TRIM62: variants seen among roughly 807,000 people sequenced by gnomAD.
The protein encoded by TRIM62 is E3 ubiquitin-protein ligase TRIM62.
In TRIM62, 39 loss-of-function variants were observed where a neutral mutation model predicts 44.2. The ratio of observed to expected loss-of-function variants is 0.88; its 90% CI spans 0.68 to 1.15. The LOEUF is 1.15. TRIM62 is among the 50% of genes most tolerant of loss of function. The pLI is 0.00. For synonymous variants in TRIM62, 278 were observed against 292.3 expected, an observed-to-expected ratio of 0.95 and a Z score of 0.50; for missense variants, 544 against 665.5, an observed-to-expected ratio of 0.82 and a Z score of 2.01.
chr1:33,152,499 G>A (rs887985419), intron 4 of TRIM62, among the ~76,000 whole-genome samples: 9 of 151,980 alleles, frequency 5.9e-5, no homozygotes, highest in South Asian at 2.1e-4. Flanking sequence ...TCTGGGAGGC[G>A]GAGGTTGTGG....
At chr1:33,150,143 G>C (rs1570286176) in intron 4 of TRIM62, among the ~76,000 whole-genome samples, 1 of 152,274 alleles carries the variant, frequency 6.6e-6, no homozygotes, top group Non-Finnish European at 1.5e-5. Flanking sequence ...TCCTTAGCCT[G>C]AATGACCATT....
intron 2 of TRIM62, among the ~76,000 whole-genome samples, 176 bp from the exon 3 acceptor site, chr1:33,160,120 A>C (rs142734815): frequency 2.0e-5 from 3 of 152,248 alleles, no homozygotes; most frequent in Non-Finnish European, 4.4e-5. Context: ...GGCATGTTCT[A>C]TGTGGTCCAT....
At chr1:33,157,034 C>G (rs542393009) in intron 4 of TRIM62, among the ~76,000 whole-genome samples, 19 of 150,198 alleles carry the variant, frequency 1.3e-4, no homozygotes, top group South Asian at 4.2e-4. Flanking sequence ...TCCTTCACCC[C>G]CTTCGGTCTA....
At chr1:33,156,022 G>A (rs192862730) in intron 4 of TRIM62, among the ~76,000 whole-genome samples, 2 of 152,298 alleles carry the variant, frequency 1.3e-5, no homozygotes, top group Admixed American at 1.3e-4. Flanking sequence ...TGCCCCACTG[G>A]CTTTGGTGCC....
Position 33,145,673 on chromosome 1 carries a change from A to G in TRIM62, c.*1504T>C, listed in dbSNP as rs1645013435. 1 of 314,618 alleles carries G rather than the reference A, an allele frequency of 3.2e-6. No homozygotes were observed. Among genetic ancestry groups the G allele is most frequent in the Non-Finnish European group, 6.3e-6 (1 of 158,808 alleles). 19.5% of individuals were successfully genotyped at this position (314,618 alleles called of 1,614,324 possible). On this transcript the variant is annotated 3_prime_UTR_variant, in exon 5 of 5. Transcript: ENST00000291416. ...GGCCCCAGGACTAGAAAGAAAAGTCAAGGCCGGGGAGACATTTAGGCTCAG... is the reference window on the plus strand; with the variant it reads ...GGCCCCAGGACTAGAAAGAAAAGTCGAGGCCGGGGAGACATTTAGGCTCAG...
rs1164477869 is a variant in TRIM62, at chr1:33,159,818, T to C, written c.631A>G (p.Ile211Val). The C allele has an allele frequency of 5.0e-6, 8 of 1,613,794 alleles. No individual in the cohort carries two copies. Among genetic ancestry groups the C allele is most frequent in the African/African-American group, 2.7e-5 (2 of 74,946 alleles). The change falls in exon 3 of 5, where the codon ATC becomes GTC. Residue 211 changes from isoleucine (I) to valine (V), a missense_variant. Transcript: ENST00000291416. The surrounding 1 kb of genome is among the most constrained non-coding windows in gnomAD (Gnocchi z 4.2). ...EADTARTLTDIEQKVQRYSQQ... is the reference protein window; with the variant it reads ...EADTARTLTDVEQKVQRYSQQ... ...CTGTAGCGCTGGACTTTCTGCTCGA[T>C]GTCGGTCAGCGTGCGGGCCGTGTCC...
chr1:33,171,146 G>A (rs764804897), intron 1 of TRIM62, among the ~76,000 whole-genome samples: 68 of 152,328 alleles, frequency 4.5e-4, no homozygotes, highest in Non-Finnish European at 7.8e-4. Context: ...CGGCCACACA[G>A]CTTGACACAG....
In TRIM62 at chr1:33,177,071, A is replaced by ACG. The variant is rs1645426447; in HGVS notation, c.408+3953_408+3954insCG. Among the ~76,000 whole-genome samples the ACG allele has an allele frequency of 9.0e-5, 1 of 11,114 alleles. No homozygotes were observed. Among genetic ancestry groups the ACG allele is most frequent in the Non-Finnish European group, 2.4e-4 (1 of 4,250 alleles). The allele number at this position is 11,114 out of a possible 152,430, so 7.3% of individuals were successfully genotyped here. A position where few individuals can be genotyped will look rare whatever the true frequency, so the allele number is the denominator to read the frequency against. On this transcript the variant is annotated intron_variant, in intron 1 of 4. Transcript: ENST00000291416. This position sits in a 1 kb window ranked among gnomAD's most constrained non-coding sequence, Gnocchi z 4.1. Reference sequence around the variant, plus strand: ...CACACGCACACACACACACATGCACACACACACATGCATGCACAAATGCAC... The same window carrying ACG: ...CACACGCACACACACACACATGCACACGCACACACATGCATGCACAAATGCAC...
intron 2 of TRIM62, chr1:33,164,539 A>C (rs1645309711): frequency 6.6e-6 from 1 of 152,364 alleles, no homozygotes; most frequent in South Asian, 2.1e-4. Context: ...ACAGTGAGTT[A>C]GTGGTGGGAT....
At chr1:33,179,725 C>T (rs977626487) in intron 1 of TRIM62, among the ~76,000 whole-genome samples, 8 of 152,254 alleles carry the variant, frequency 5.3e-5, no homozygotes, top group South Asian at 2.1e-4. Context: ...TGGAGAACTA[C>T]GTGCTCGACT....
chr1:33,155,047 C>T (rs1419160774), intron 4 of TRIM62, among the ~76,000 whole-genome samples: 3 of 142,930 alleles, frequency 2.1e-5, no homozygotes, highest in Non-Finnish European at 4.6e-5. Flanking sequence ...GAGCCGAGAT[C>T]GCGCCACTGC....
chr1:33,175,644 C>G (rs944231117), intron 1 of TRIM62, among the ~76,000 whole-genome samples: 2 of 152,194 alleles, frequency 1.3e-5, no homozygotes, highest in Non-Finnish European at 2.9e-5. Flanking sequence ...CACTTTGAAT[C>G]TCAGCTCTTC....
At chr1:33,150,465 G>GT (rs1645081123) in intron 4 of TRIM62, among the ~76,000 whole-genome samples, 1 of 152,248 alleles carries the variant, frequency 6.6e-6, no homozygotes, top group Non-Finnish European at 1.5e-5. Flanking sequence ...TTTGCCAGGA[G>GT]TAAGTTTAGT....
chr1:33,151,846 G>A (rs1645103175), intron 4 of TRIM62, among the ~76,000 whole-genome samples: 2 of 152,218 alleles, frequency 1.3e-5, no homozygotes, highest in African/African-American at 4.8e-5. Context: ...CCCAAGCAGC[G>A]GAGAAAGCCC....
chr1:33,148,021 G>T (rs1204991847), intron 4 of TRIM62, among the ~76,000 whole-genome samples: 1 of 152,166 alleles, frequency 6.6e-6, no homozygotes, highest in African/African-American at 2.4e-5. Context: ...AATGTTTGTT[G>T]AATTAACCAG....
At chr1:33,175,031 T>A (rs784769) in intron 1 of TRIM62, among the ~76,000 whole-genome samples, 110,366 of 146,862 alleles carry the variant, frequency 0.75, 41,413 homozygotes, top group Admixed American at 0.77. Context: ...ATGTATATGT[T>A]TATGTATATG....
chr1:33,153,341 C>CA (rs766086837), intron 4 of TRIM62, among the ~76,000 whole-genome samples: 4 of 152,226 alleles, frequency 2.6e-5, no homozygotes, highest in Non-Finnish European at 5.9e-5. Flanking sequence ...TGTTGGAGCA[C>CA]AGTCTGTTCC....
intron 4 of TRIM62, among the ~76,000 whole-genome samples, chr1:33,149,566 T>G (rs1174482739): frequency 2.0e-5 from 3 of 152,166 alleles, no homozygotes; most frequent in African/African-American, 7.2e-5. Context: ...GTGATCCTCC[T>G]GCTTCAGCCT....
chr1:33,152,331 C>T (rs1386358944), intron 4 of TRIM62, among the ~76,000 whole-genome samples: 1 of 152,088 alleles, frequency 6.6e-6, no homozygotes, highest in Non-Finnish European at 1.5e-5. Flanking sequence ...TTTGGGAGGC[C>T]GAGGCAGGCG....
Sources: allele counts gnomAD v4.1 joint callset (sites outside exome capture counted in the v4.1 genomes callset), GRCh38; gene constraint gnomAD v4.1.1; non-coding constraint Gnocchi (gnomAD v3.1); transcripts MANE v1.5; gene names NCBI Gene and HGNC (gene_info 2026-07-23, HGNC 2026-07-21).